Variants in CDH13 observed in about 807,000 individuals in gnomAD.
CDH13 encodes the protein cadherin 13.
Under a neutral mutation model 63.8 loss-of-function variants are expected in CDH13, and 24 were observed. The observed-to-expected ratio is 0.38, with a 90% CI of 0.27 to 0.53. The LOEUF is 0.53. Among genes scored for constraint, CDH13 ranks in the 20% least tolerant of loss-of-function variants. CDH13 has a pLI of 0.85. For synonymous variants in CDH13, 503 were observed against 355.3 expected, an observed-to-expected ratio of 1.42 and a Z score of -4.67; for missense variants, 1,049 against 903.1, an observed-to-expected ratio of 1.16 and a Z score of -2.07.
At chr16:83,007,690 G>A (rs1250011988) in intron 2 of CDH13, among the ~76,000 whole-genome samples, 3 of 152,008 alleles carry the variant, frequency 2.0e-5, no homozygotes, top group Non-Finnish European at 4.4e-5. Flanking sequence ...TGGGCAGGGT[G>A]GCTTGTGCCT....
chr16:83,590,391 AAGAG>A (rs1906616902), intron 7 of CDH13, among the ~76,000 whole-genome samples: 1 of 152,106 alleles, frequency 6.6e-6, no homozygotes, highest in Non-Finnish European at 1.5e-5. Context: ...TGTTTGAGGT[AAGAG>A]AGAGGGAATT....
intron 5 of CDH13, among the ~76,000 whole-genome samples, chr16:83,306,925 G>A (rs955579413): frequency 2.0e-5 from 3 of 152,136 alleles, no homozygotes; most frequent in Admixed American, 6.5e-5. Context: ...GTAAAGTTGT[G>A]GAAAGAAATG....
intron 2 of CDH13, among the ~76,000 whole-genome samples, chr16:82,890,711 G>T (rs1165617028): frequency 6.6e-6 from 1 of 150,522 alleles, no homozygotes; most frequent in Non-Finnish European, 1.5e-5. Context: ...GAGTGCAATG[G>T]CATGATCTTG....
At chr16:83,522,252 G>C (rs1264420944) in intron 7 of CDH13, among the ~76,000 whole-genome samples, 3 of 152,154 alleles carry the variant, frequency 2.0e-5, no homozygotes, top group Non-Finnish European at 4.4e-5. Context: ...GCTGCTTCGG[G>C]TCCATTATAA....
rs577542709 is a variant in CDH13, at chr16:83,649,626, T to C, written c.1102-21164T>C. ...TGGGAGCCAGGGACTGGAGTTCACT[T>C]TGAGCAGCAAGGAAGATAGCCTCCT... On this transcript the variant is annotated intron_variant, in intron 8 of 13. Transcript: ENST00000567109. Among the ~76,000 whole-genome samples, 13 of 152,138 alleles carry C rather than the reference T, an allele frequency of 8.5e-5. No homozygotes were observed. In the South Asian group the frequency reaches 2.7e-3, roughly 32 times the overall value.
chr16:82,859,754 A>C (rs2039857440), intron 2 of CDH13: 1 of 151,608 alleles, frequency 6.6e-6, no homozygotes, highest in East Asian at 1.9e-4. Flanking sequence ...AAAAAAGCAC[A>C]CTTGACTGGA....
intron 6 of CDH13, among the ~76,000 whole-genome samples, chr16:83,407,185 A>T (rs1016408021): frequency 4.6e-5 from 7 of 152,232 alleles, no homozygotes; most frequent in African/African-American, 1.4e-4. Context: ...CCTATGTCAG[A>T]TGCAAGTGGA....
chr16:82,876,852 G>A (rs1047528405), intron 2 of CDH13, among the ~76,000 whole-genome samples: 18 of 152,152 alleles, frequency 1.2e-4, no homozygotes, highest in Non-Finnish European at 1.5e-5. Context: ...GTTTGGAGAG[G>A]TAGCCCAAAC....
chr16:82,738,858 T>TA (rs1489086967), intron 1 of CDH13, among the ~76,000 whole-genome samples: 1 of 152,228 alleles, frequency 6.6e-6, no homozygotes, highest in Non-Finnish European at 1.5e-5. Context: ...GAACATGTCT[T>TA]ACCATTTATT....
intron 8 of CDH13, among the ~76,000 whole-genome samples, chr16:83,644,877 C>G (rs1911645266): frequency 6.6e-6 from 1 of 152,186 alleles, no homozygotes; most frequent in Non-Finnish European, 1.5e-5. Flanking sequence ...AAGGCAGGAG[C>G]AGATATGAAG....
chr16:83,749,944 G>A (rs562095596), intron 11 of CDH13, among the ~76,000 whole-genome samples: 1 of 152,166 alleles, frequency 6.6e-6, no homozygotes, highest in Non-Finnish European at 1.5e-5. Flanking sequence ...GAGTTAGTTG[G>A]CAGCTTCTGA....
chr16:82,677,446 C>T (rs1197836643), intron 1 of CDH13, among the ~76,000 whole-genome samples: 4 of 130,712 alleles, frequency 3.1e-5, no homozygotes, highest in East Asian at 2.4e-4. Context: ...ACTCTTCTGC[C>T]TTTTTTTTTT....
chr16:83,302,242 C>A (rs1200362813), intron 5 of CDH13, among the ~76,000 whole-genome samples: 1 of 152,200 alleles, frequency 6.6e-6, no homozygotes, highest in African/African-American at 2.4e-5. Context: ...CCCGCTTTTA[C>A]TTCCCGGATA....
chr16:83,727,852 G>A lies in CDH13; in HGVS notation c.1539-20256G>A, dbSNP rs550151254. ...GGCAGCCCAGGGAGTGAACAGGGGC[G>A]TTGGCGGGGAGGGCAGCCATTCCCG... On this transcript the variant is annotated intron_variant, in intron 10 of 13. Coordinates refer to ENST00000567109, the MANE Select transcript of CDH13 (RefSeq NM_001257.5). Among the ~76,000 whole-genome samples the A allele has an allele frequency of 1.2e-4, 18 of 152,214 alleles. No homozygotes were observed. The South Asian group carries it at 3.1e-3, about 26-fold the overall frequency.
intron 3 of CDH13, among the ~76,000 whole-genome samples, chr16:83,091,841 G>A (rs2033928229): frequency 6.6e-6 from 1 of 152,154 alleles, no homozygotes; most frequent in Non-Finnish European, 1.5e-5. Context: ...TTTTTTAAAA[G>A]ATCTAGAAAA....
At chr16:83,291,681 G>A (rs1470860172) in intron 5 of CDH13, among the ~76,000 whole-genome samples, 1 of 152,046 alleles carries the variant, frequency 6.6e-6, no homozygotes, top group East Asian at 1.9e-4. Context: ...AGCCCTGACT[G>A]CTAATAACTC....
intron 3 of CDH13, among the ~76,000 whole-genome samples, chr16:83,078,378 C>T (rs1034914031): frequency 1.3e-5 from 2 of 152,140 alleles, no homozygotes; most frequent in Non-Finnish European, 1.5e-5. Flanking sequence ...TGTTCCAGCT[C>T]ACATAATCAG....
At chr16:83,623,153 G>T (rs1909965846) in intron 8 of CDH13, among the ~76,000 whole-genome samples, 1 of 152,132 alleles carries the variant, frequency 6.6e-6, no homozygotes, top group African/African-American at 2.4e-5. Flanking sequence ...GTGTGCAGAT[G>T]CCCTGAGGCA....
intron 6 of CDH13, among the ~76,000 whole-genome samples, chr16:83,372,035 C>A (rs2091376572): frequency 6.6e-6 from 1 of 152,172 alleles, no homozygotes; most frequent in African/African-American, 2.4e-5. Context: ...AGTGGGTGTT[C>A]ACGAGATGCT....
Sources: allele counts gnomAD v4.1 joint callset (sites outside exome capture counted in the v4.1 genomes callset), GRCh38; gene constraint gnomAD v4.1.1; transcripts MANE v1.5; gene names NCBI Gene and HGNC (gene_info 2026-07-23, HGNC 2026-07-21).